MOG: variants seen among roughly 807,000 people sequenced by gnomAD.
The protein encoded by MOG is myelin-oligodendrocyte glycoprotein.
In MOG, 20 loss-of-function variants were observed where a neutral mutation model predicts 35.9. The observed-to-expected ratio is 0.56, with a 90% confidence interval of 0.39 to 0.81. The LOEUF (loss-of-function observed/expected upper bound fraction) is 0.81. Ranked by LOEUF, MOG falls within the 30% of genes least tolerant of loss-of-function variation. The pLI is 0.00. For synonymous variants in MOG, 92 were observed against 114.3 expected (o/e 0.80, Z 1.25); for missense variants, 251 against 301.0 (o/e 0.83, Z 1.23).
Position 29,672,132 on chromosome 6 carries a change from C to G in MOG, c.*947C>G, listed in dbSNP as rs1771602334. Reference sequence around the variant, plus strand: ...TGAAACCCCATCTCTACTAAAAATACAAACAATTAACTGAGCATAGTGGTG... The same window carrying G: ...TGAAACCCCATCTCTACTAAAAATAGAAACAATTAACTGAGCATAGTGGTG... On this transcript the variant is annotated 3_prime_UTR_variant, in exon 8 of 8. Transcript: ENST00000376917. The G allele has an allele frequency of 6.5e-6, 1 of 153,406 alleles. No individual in the cohort carries two copies. The highest frequency in any genetic ancestry group is 6.5e-5 in the Admixed American group (1 of 15,434). 9.5% of individuals were successfully genotyped at this position (153,406 alleles called of 1,614,324 possible). A position where few individuals can be genotyped will look rare whatever the true frequency, so the allele number is the denominator to read the frequency against.
Position 29,657,663 on chromosome 6 carries a change from C to CTTTTT in MOG, c.88+383_88+387dup, listed in dbSNP as rs9278226. 7.2e-4 allele frequency among the ~76,000 whole-genome samples: 79 copies of CTTTTT among 109,970 alleles called. 1 individual carries two copies. The highest frequency in any genetic ancestry group is 1.1e-3 in the Admixed American group (11 of 9,720). 72.1% of individuals were successfully genotyped at this position (109,970 alleles called of 152,430 possible). A position where few individuals can be genotyped will look rare whatever the true frequency, so the allele number is the denominator to read the frequency against. Reference sequence around the variant, plus strand: ...CACACCCAGCTAAATTTTTTCTTTTCTTTTTTTTTTTTTTTTTTTTTGTAT... The same window carrying CTTTTT: ...CACACCCAGCTAAATTTTTTCTTTTCTTTTTTTTTTTTTTTTTTTTTTTTTTGTAT... On this transcript the variant is annotated intron_variant, in intron 1 of 7. Transcript: ENST00000376917.
At chr6:29,657,350 A>G (rs78540913) in intron 1 of MOG, 53 bp downstream of exon 1, 58,412 of 1,363,444 alleles carry the variant, frequency 0.043, 1,674 homozygotes, top group African/African-American at 0.14. Flanking sequence ...CAGAAAGGCT[A>G]GTTTCCTGGG....
rs1771314356 is a variant in MOG at position 29,670,788 on chromosome 6, G to A, written c.730+67G>A. 1 of 1,601,018 alleles carries A rather than the reference G, an allele frequency of 6.2e-7. No homozygotes were observed. The highest frequency in any genetic ancestry group is 1.3e-5 in the African/African-American group (1 of 75,004). ...CAGGAAAGGGAGACAGAAGCAACAA[G>A]AGGAAGAGGCGGGCTATTGAGGGAT... On this transcript the variant is annotated intron_variant, in intron 7 of 7. Transcript: ENST00000376917. The surrounding 1 kb of genome is among the most constrained non-coding windows in gnomAD (Gnocchi z 4.2).
chr6:29,662,495 A>AC lies in MOG; in HGVS notation c.436+2831dup, dbSNP rs1769051078. On this transcript the variant is annotated intron_variant, in intron 2 of 7. Transcript: ENST00000376917. This position sits in a 1 kb window ranked among gnomAD's most constrained non-coding sequence, Gnocchi z 4.2. ...CAAAACTCTGTCTCAAAAAAAAAAA[A>AC]CCACATACAAACCAGAGATAATATT... 6.6e-6 allele frequency among the ~76,000 whole-genome samples: 1 copy of AC among 151,220 alleles called. No individual in the cohort carries two copies. The highest frequency in any genetic ancestry group is 6.6e-5 in the Admixed American group (1 of 15,170).
Position 29,670,687 on chromosome 6 carries a change from C to T in MOG, c.710-14C>T, listed in dbSNP as rs779108000. 1.2e-6 allele frequency: 2 copies of T among 1,612,224 alleles called. No individual in the cohort carries two copies. Among genetic ancestry groups the T allele is most frequent in the South Asian group, 2.2e-5 (2 of 90,890 alleles). On this transcript the variant is annotated splice_polypyrimidine_tract_variant and intron_variant, in intron 6 of 7. Transcript: ENST00000376917. This position sits in a 1 kb window ranked among gnomAD's most constrained non-coding sequence, Gnocchi z 4.2. ...TCTTCCACTAATCACATATTTGTTT[C>T]TTTTTGTTTTCAGGGCAATTCCTTG...
rs12526549 is a variant in MOG, at chr6:29,670,645, G to A, written c.710-56G>A. The A allele has an allele frequency of 9.8e-4, 1,568 of 1,604,220 alleles. 48 individuals are homozygous for A. The Admixed American group carries it at 0.026, about 26-fold the overall frequency. Reference sequence around the variant, plus strand: ...CTCCAAATGTCCATAGGGAGGATGTGGGGAAGGTGCTATTCATCTTCCACT... The same window carrying A: ...CTCCAAATGTCCATAGGGAGGATGTAGGGAAGGTGCTATTCATCTTCCACT... On this transcript the variant is annotated intron_variant, in intron 6 of 7. Transcript: ENST00000376917. The surrounding 1 kb of genome is among the most constrained non-coding windows in gnomAD (Gnocchi z 4.2).
intron 2 of MOG, chr6:29,661,681 G>A (rs779380274): frequency 9.8e-6 from 8 of 812,356 alleles, no homozygotes; most frequent in African/African-American, 1.9e-5. Context: ...TTAGCCTGGC[G>A]TGGTGGCGCA....
intron 2 of MOG, chr6:29,664,850 A>G (rs1437117708): frequency 7.0e-6 from 2 of 286,588 alleles, no homozygotes; most frequent in Non-Finnish European, 1.4e-5. Flanking sequence ...GGCTCAAGCA[A>G]TCTTCCTGCC....
chr6:29,670,702 G>T lies in MOG; in HGVS notation c.711G>T (p.Gly237=). 6.2e-7 allele frequency: 1 copy of T among 1,612,370 alleles called. No individual in the cohort carries two copies. Among genetic ancestry groups the T allele is most frequent in the Non-Finnish European group, 8.5e-7 (1 of 1,179,732 alleles). ...ATATTTGTTTCTTTTTGTTTTCAGGGCAATTCCTTGAAGAGCTACGTAAGT... is the reference window on the plus strand; with the variant it reads ...ATATTTGTTTCTTTTTGTTTTCAGGTCAATTCCTTGAAGAGCTACGTAAGT... ...CYNWLHRRLA[G]QFLEELRNPF Residue 237 remains glycine, a splice_region_variant and synonymous_variant, in exon 7 of 8, where the codon GGG becomes GGT. Coordinates refer to ENST00000376917, the MANE Select transcript of MOG (RefSeq NM_206809.4). This position sits in a 1 kb window ranked among gnomAD's most constrained non-coding sequence, Gnocchi z 4.2.
chr6:29,659,441 C>A lies in MOG; in HGVS notation c.211C>A (p.Pro71Thr). 6.2e-7 allele frequency: 1 copy of A among 1,612,986 alleles called. No individual in the cohort carries two copies. Among genetic ancestry groups the A allele is most frequent in the South Asian group, 1.1e-5 (1 of 91,078 alleles). ...AGGCATGGAGGTGGGGTGGTACCGC[C>A]CCCCCTTCTCTAGGGTGGTTCATCT... is the stretch of plus-strand genomic sequence containing the variant. ...ATGMEVGWYR[P>T]PFSRVVHLYR... Residue 71 changes from proline (P) to threonine (T), a missense_variant, in exon 2 of 8, where the codon CCC becomes ACC. Coordinates refer to ENST00000376917, the MANE Select transcript of MOG (RefSeq NM_206809.4).
intron 2 of MOG, among the ~76,000 whole-genome samples, chr6:29,660,517 G>A (rs1189126023): frequency 2.1e-5 from 3 of 140,090 alleles, no homozygotes; most frequent in Admixed American, 7.5e-5. Flanking sequence ...GGGACACAGC[G>A]AGACTCCGTC....
At position 29,667,719 on chromosome 6, in the gene MOG, G is replaced by A. The variant is rs1247375662; in HGVS notation, c.571+56G>A. ...TTGCCTTTTGGTTTTTTGGCATAAC[G>A]GAAATGGTCCCGTTCTTGGACCGTC... On this transcript the variant is annotated intron_variant, in intron 4 of 7. Transcript: ENST00000376917. 9.3e-6 allele frequency: 15 copies of A among 1,605,706 alleles called. No individual in the cohort carries two copies. In the African/African-American group the frequency reaches 1.2e-4, roughly 13 times the overall value.
chr6:29,666,022 C>T (rs1770139350), intron 2 of MOG, 130 bp from the exon 3 acceptor site: 7 of 773,414 alleles, frequency 9.1e-6, no homozygotes, highest in Non-Finnish European at 1.7e-5. Context: ...GGGACCAATT[C>T]TGTGTCACCT....
chr6:29,670,547 C>G lies in MOG; in HGVS notation c.709+150C>G, dbSNP rs1771241822. 1 of 1,541,658 alleles carries G rather than the reference C, an allele frequency of 6.5e-7. No individual in the cohort carries two copies. The highest frequency in any genetic ancestry group is 8.9e-7 in the Non-Finnish European group (1 of 1,124,976). On this transcript the variant is annotated intron_variant, in intron 6 of 7. Coordinates refer to ENST00000376917, the MANE Select transcript of MOG (RefSeq NM_206809.4). This position sits in a 1 kb window ranked among gnomAD's most constrained non-coding sequence, Gnocchi z 4.2. ...CTGTCCCCATGCCCAACCCCAGGCTCTTCTGAGAAACTGTGAAGAGAACCA... is the reference window on the plus strand; with the variant it reads ...CTGTCCCCATGCCCAACCCCAGGCTGTTCTGAGAAACTGTGAAGAGAACCA...
Position 29,670,140 on chromosome 6 carries a change from C to A in MOG, c.593-141C>A. On this transcript the variant is annotated intron_variant, in intron 5 of 7. Transcript: ENST00000376917. The surrounding 1 kb of genome is among the most constrained non-coding windows in gnomAD (Gnocchi z 4.2). ...AATAAGGAGGCAGTACTTTTCTCAT[C>A]CAAGTTCATGGACTTTCTGAATTTT... 1 of 1,415,076 alleles carries A rather than the reference C, an allele frequency of 7.1e-7. No individual in the cohort carries two copies. Among genetic ancestry groups the A allele is most frequent in the Non-Finnish European group, 1.0e-6 (1 of 998,618 alleles). The allele number at this position is 1,415,076 out of a possible 1,614,324, so 87.7% of individuals were successfully genotyped here. A position where few individuals can be genotyped will look rare whatever the true frequency, so the allele number is the denominator to read the frequency against.
chr6:29,665,827 G>A (rs1770096313), intron 2 of MOG, among the ~76,000 whole-genome samples: 1 of 151,926 alleles, frequency 6.6e-6, no homozygotes, highest in South Asian at 2.1e-4. Context: ...ATAATATGAA[G>A]AGAACCTTTG....
chr6:29,665,812 C>T (rs929319650), intron 2 of MOG, among the ~76,000 whole-genome samples: 2 of 141,102 alleles, frequency 1.4e-5, no homozygotes, highest in Admixed American at 7.1e-5. Context: ...AGGCGATACA[C>T]CACAATAATA....
intron 3 of MOG, 67 bp from the exon 4 acceptor site, chr6:29,667,576 G>A (rs1770490391): frequency 1.3e-6 from 2 of 1,557,682 alleles, no homozygotes; most frequent in East Asian, 2.2e-5. Flanking sequence ...CAGGCGCTGG[G>A]TGTGGGAGGG....
chr6:29,670,869 C>A lies in MOG; in HGVS notation c.730+148C>A. 1 of 1,583,570 alleles carries A rather than the reference C, an allele frequency of 6.3e-7. No homozygotes were observed. Among genetic ancestry groups the A allele is most frequent in the East Asian group, 2.3e-5 (1 of 43,924 alleles). ...AGCCTGGGTGGAGGGAAGACTCCTC[C>A]TGGGAGGTAGAGGGCAAAGAAGCCA... is the stretch of plus-strand genomic sequence containing the variant. On this transcript the variant is annotated intron_variant, in intron 7 of 7. Transcript: ENST00000376917. The surrounding 1 kb of genome is among the most constrained non-coding windows in gnomAD (Gnocchi z 4.2).
Sources: gnomAD v4.1 joint callset for allele counts (sites outside exome capture counted in the v4.1 genomes callset) on GRCh38, gnomAD v4.1.1 for gene constraint, Gnocchi (gnomAD v3.1) non-coding constraint, MANE v1.5 for transcripts, NCBI Gene and HGNC (gene_info 2026-07-23, HGNC 2026-07-21) for gene names.